SETD1A: variants seen among roughly 807,000 people sequenced by gnomAD.
SETD1A encodes histone-lysine N-methyltransferase SETD1A.
SETD1A carries 29 observed loss-of-function variants against 149.9 expected under a neutral mutation model. The observed-to-expected ratio is 0.19, with a 90% CI of 0.14 to 0.26. The LOEUF is 0.26. Among genes scored for constraint, SETD1A ranks in the 10% least tolerant of loss-of-function variants. SETD1A has a pLI of 1.00. For missense variants in SETD1A, 2,109 were observed against 2,353.1 expected, an observed-to-expected ratio of 0.90 and a Z score of 2.15; for synonymous variants, 1,141 against 968.5, an observed-to-expected ratio of 1.18 and a Z score of -3.31.
chr16:30,972,327 A>G (rs565792355), intron 13 of SETD1A, among the ~76,000 whole-genome samples: 39 of 152,210 alleles, frequency 2.6e-4, no homozygotes, highest in Admixed American at 1.6e-3. Context: ...AGGGAAAGAC[A>G]TCTTCATTGA....
chr16:30,965,540 G>C, intron 7 of SETD1A, 61 bp from the exon 8 acceptor site: 1 of 1,594,252 alleles, frequency 6.3e-7, no homozygotes, highest in East Asian at 2.2e-5. Context: ...AAGGGAACCA[G>C]ATGAGAAAGT....
At position 30,966,188 on chromosome 16, in the gene SETD1A, C is replaced by G; in HGVS notation, c.2307C>G (p.Ala769=). Reference sequence around the variant, plus strand: ...CCTCCTCAGTCTCGGGAGAGGAGGCCCGGCTGCCACCCAGGGAAGAAGCAG... The same window carrying G: ...CCTCCTCAGTCTCGGGAGAGGAGGCGCGGCTGCCACCCAGGGAAGAAGCAG... ...LPSSSVSGEE[A]RLPPREEAEL... The change falls in exon 8 of 19, where the codon GCC becomes GCG. Residue 769 remains alanine (A), a synonymous_variant. Coordinates refer to ENST00000262519, the MANE Select transcript of SETD1A (RefSeq NM_014712.3). The G allele has an allele frequency of 6.2e-7, 1 of 1,612,148 alleles. No homozygotes were observed. Among genetic ancestry groups the G allele is most frequent in the Non-Finnish European group, 8.5e-7 (1 of 1,179,276 alleles).
At position 30,979,648 on chromosome 16, in the gene SETD1A, C is replaced by T. The variant is rs147948503; in HGVS notation, c.3862C>T (p.Arg1288Cys). Residue 1288 changes from arginine (R) to cysteine (C), a missense_variant, in exon 14 of 19, where the codon CGC (arginine) becomes TGC (cysteine). By Grantham distance (180) the Arg-to-Cys change is radical. Around this residue, in one of 8 missense-constraint regions of SETD1A, gnomAD observed 832 missense variants for 815.6 expected, o/e 1.02. Transcript: ENST00000262519. ...EATETSDEAE[R>C]PRPLLSHILL... is the part of the protein sequence containing the mutation. ...CACAGAGACATCGGACGAGGCCGAG[C>T]GCCCTAGGCCCCTGCTCAGCCACAT... 962 of 1,609,676 alleles carry T rather than the reference C, an allele frequency of 6.0e-4. No individual in the cohort carries two copies. The highest frequency in any genetic ancestry group is 2.6e-3 in the Middle Eastern group (16 of 6,082).
rs1371212597 is a variant in SETD1A at position 30,980,764 on chromosome 16, G to A, written c.4607G>A (p.Arg1536His). 4 of 1,612,902 alleles carry A rather than the reference G, an allele frequency of 2.5e-6. No individual in the cohort carries two copies. Among genetic ancestry groups the A allele is most frequent in the Non-Finnish European group, 2.5e-6 (3 of 1,179,850 alleles). ...TQGTNRVLSE[R>H]RSEQRRLLSA... ...GGGACGAACCGCGTGCTGTCCGAGC[G>A]CCGGTCCGAGCAGCGGCGGCTGCTG... Residue 1536 changes from arginine (R) to histidine (H), a missense_variant, in exon 16 of 19, where the codon CGC (arginine) becomes CAC (histidine). Physicochemically the swap from Arg to His is conservative, Grantham distance 29. This residue lies in a region of SETD1A where 254 missense variants were observed against 409.3 expected (regional missense o/e 0.62). Coordinates refer to ENST00000262519, the MANE Select transcript of SETD1A (RefSeq NM_014712.3). This position sits in a 1 kb window ranked among gnomAD's most constrained non-coding sequence, Gnocchi z 7.7.
At chr16:30,962,197 T>A (rs543433270) in intron 4 of SETD1A, among the ~76,000 whole-genome samples, 2 of 152,102 alleles carry the variant, frequency 1.3e-5, no homozygotes, top group South Asian at 4.1e-4. Flanking sequence ...CTTGAGTAGC[T>A]AGGATTACAT....
In SETD1A at chr16:30,964,360, A is replaced by G; in HGVS notation, c.869+37A>G. On this transcript the variant is annotated intron_variant, in intron 6 of 18. Coordinates refer to ENST00000262519, the MANE Select transcript of SETD1A (RefSeq NM_014712.3). Reference sequence around the variant, plus strand: ...ACCCCGCCTGGGGCCCCGCCCGCAAAGTCTGGGAGCTGCCACTGGGAAGAA... The same window carrying G: ...ACCCCGCCTGGGGCCCCGCCCGCAAGGTCTGGGAGCTGCCACTGGGAAGAA... The G allele has an allele frequency of 6.5e-7, 1 of 1,531,164 alleles. No homozygotes were observed. Among genetic ancestry groups the G allele is most frequent in the South Asian group, 1.1e-5 (1 of 88,714 alleles). 94.8% of individuals were successfully genotyped at this position (1,531,164 alleles called of 1,614,324 possible).
rs2056004121 is a variant in SETD1A at position 30,958,812 on chromosome 16, C to T, written c.81C>T (p.Ala27=). The change falls in exon 2 of 19, where the codon GCC becomes GCT. Residue 27 remains alanine, a synonymous_variant. Coordinates refer to ENST00000262519, the MANE Select transcript of SETD1A (RefSeq NM_014712.3). ...WRNYKLIVDP[A]LDPALRRPSQ... ...ACTACAAGCTCATCGTGGATCCTGC[C>T]TTGGACCCTGCCCTGCGCAGGCCTT... is the stretch of plus-strand genomic sequence containing the variant. 9.9e-6 allele frequency: 16 copies of T among 1,614,134 alleles called. No individual in the cohort carries two copies. The highest frequency in any genetic ancestry group is 1.4e-5 in the Non-Finnish European group (16 of 1,179,960).
chr16:30,980,937 G>T lies in SETD1A; in HGVS notation c.4692+88G>T, dbSNP rs1358862842. On this transcript the variant is annotated intron_variant, in intron 16 of 18. Coordinates refer to ENST00000262519, the MANE Select transcript of SETD1A (RefSeq NM_014712.3). This position sits in a 1 kb window ranked among gnomAD's most constrained non-coding sequence, Gnocchi z 7.7. ...GGGGACCACCCAGCAGGCTCCTGTG[G>T]TTCCCTCGGGTGGAGTTGGGGGGTA... The T allele has an allele frequency of 1.3e-5, 21 of 1,566,888 alleles. No individual in the cohort carries two copies. The highest frequency in any genetic ancestry group is 1.8e-5 in the Non-Finnish European group (21 of 1,148,776).
rs766517510 is a variant in SETD1A at position 30,983,776 on chromosome 16, C to G, written c.4950+4C>G. Reference sequence around the variant, plus strand: ...ATTCATCAACCACTGCTGCACGGTGCGCCAGGGGCCAGCCGGGGCAGGAGT... The same window carrying G: ...ATTCATCAACCACTGCTGCACGGTGGGCCAGGGGCCAGCCGGGGCAGGAGT... On this transcript the variant is annotated splice_donor_region_variant and intron_variant, in intron 18 of 18. Coordinates refer to ENST00000262519, the MANE Select transcript of SETD1A (RefSeq NM_014712.3). The surrounding 1 kb of genome is among the most constrained non-coding windows in gnomAD (Gnocchi z 6.8). 16 of 1,613,554 alleles carry G rather than the reference C, an allele frequency of 9.9e-6. No homozygotes were observed. In the South Asian group the frequency reaches 1.6e-4, roughly 17 times the overall value.
Position 30,969,685 on chromosome 16 carries a change from G to C in SETD1A, c.3012G>C (p.Ser1004=). 1 of 1,613,316 alleles carries C rather than the reference G, an allele frequency of 6.2e-7. No homozygotes were observed. Among genetic ancestry groups the C allele is most frequent in the Non-Finnish European group, 8.5e-7 (1 of 1,179,194 alleles). Reference sequence around the variant, plus strand: ...CCACAAAGAAGGAGACAGAGGTGTCGGATGGTGAGCACAAGACAGTGAAAT... The same window carrying C: ...CCACAAAGAAGGAGACAGAGGTGTCCGATGGTGAGCACAAGACAGTGAAAT... The part of the protein sequence containing the change: ...VDTTKKETEV[S]DGEDEESDSS... The change falls in exon 12 of 19, where the codon TCG becomes TCC. Residue 1004 remains serine, a synonymous_variant. Transcript: ENST00000262519.
Position 30,979,374 on chromosome 16 carries a change from C to A in SETD1A, c.3588C>A (p.Ser1196=). Residue 1196 remains serine (S), a synonymous_variant, in exon 14 of 19, where the codon TCC becomes TCA. Coordinates refer to ENST00000262519, the MANE Select transcript of SETD1A (RefSeq NM_014712.3). ...PPQAKFPGPA[S]RKAPRGVERT... is the part of the protein sequence containing the mutation. ...AGGCCAAGTTTCCCGGCCCAGCCTC[C>A]CGCAAGGCTCCCCGGGGCGTGGAGC... 6.2e-7 allele frequency: 1 copy of A among 1,612,748 alleles called. No homozygotes were observed. Among genetic ancestry groups the A allele is most frequent in the South Asian group, 1.1e-5 (1 of 90,974 alleles).
chr16:30,963,721 A>G (rs2056088416), intron 5 of SETD1A, among the ~76,000 whole-genome samples, 167 bp downstream of exon 5: 1 of 152,208 alleles, frequency 6.6e-6, no homozygotes, highest in Admixed American at 6.5e-5. Flanking sequence ...GGCCAGGCAC[A>G]GTGGCTCACG....
intron 7 of SETD1A, 52 bp downstream of exon 7, chr16:30,965,513 G>A: frequency 6.3e-7 from 1 of 1,582,832 alleles, no homozygotes; most frequent in Non-Finnish European, 8.6e-7. Context: ...AGTCAGGGTT[G>A]GGCCTAGGGG....
chr16:30,977,474 A>G (rs1412608115), intron 13 of SETD1A, among the ~76,000 whole-genome samples: 1 of 152,158 alleles, frequency 6.6e-6, no homozygotes, highest in Non-Finnish European at 1.5e-5. Context: ...CCTAAATGAG[A>G]GGGATGGGCA....
rs767186492 is a variant in SETD1A at position 30,971,546 on chromosome 16, CTGAAGA to C, written c.3192_3197del (p.Asp1064_Glu1065del). On this transcript the variant is annotated inframe_deletion, in exon 13 of 19. Transcript: ENST00000262519. ...TCCTCTTCATCCTCTGAGTCCTCCT[CTGAAGA>C]TGAAGAGGAAGAGGAGCGGCCAGCA... 6 of 1,613,852 alleles carry C rather than the reference CTGAAGA, an allele frequency of 3.7e-6. No individual in the cohort carries two copies. In the East Asian group the frequency reaches 8.9e-5, roughly 24 times the overall value.
In SETD1A at chr16:30,971,537, A is replaced by C. The variant is rs1187938297; in HGVS notation, c.3176A>C (p.Glu1059Ala). The C allele has an allele frequency of 1.2e-6, 2 of 1,613,528 alleles. No individual in the cohort carries two copies. Among genetic ancestry groups the C allele is most frequent in the Non-Finnish European group, 1.7e-6 (2 of 1,179,816 alleles). ...TCCTCCTCGTCCTCTTCATCCTCTG[A>C]GTCCTCCTCTGAAGATGAAGAGGAA... ...SSSSSSSSSS[E>A]SSSEDEEEEE... The change falls in exon 13 of 19, where the codon GAG becomes GCG. Residue 1059 changes from glutamate to alanine, a missense_variant. Physicochemically the swap from Glu to Ala is moderately radical, Grantham distance 107. This residue lies in a region of SETD1A where 832 missense variants were observed against 815.6 expected (regional missense o/e 1.02). Transcript: ENST00000262519.
chr16:30,969,747 C>G, intron 12 of SETD1A, 58 bp downstream of exon 12: 3 of 1,404,690 alleles, frequency 2.1e-6, no homozygotes, highest in East Asian at 2.3e-5. Context: ...GGCTGCCTGG[C>G]TAGCCCTTTT....
In SETD1A at chr16:30,971,710, A is replaced by T. The variant is rs2056227400; in HGVS notation, c.3349A>T (p.Arg1117Trp). The change falls in exon 13 of 19, where the codon AGG (arginine) becomes TGG (tryptophan). Residue 1117 changes from arginine (R) to tryptophan (W), a missense_variant. By Grantham distance (101) the Arg-to-Trp change is moderately radical. This residue lies in a region of SETD1A where 832 missense variants were observed against 815.6 expected (regional missense o/e 1.02). Transcript: ENST00000262519. ...PLPEQEASPA[R>W]PAGPTEESPP... is the part of the protein sequence containing the mutation. Reference sequence around the variant, plus strand: ...GCCCGAACAGGAGGCGTCTCCAGCAAGGCCTGCAGGTAGGTGCCACAGGGC... The same window carrying T: ...GCCCGAACAGGAGGCGTCTCCAGCATGGCCTGCAGGTAGGTGCCACAGGGC... 1.3e-6 allele frequency: 2 copies of T among 1,565,628 alleles called. No individual in the cohort carries two copies. Among genetic ancestry groups the T allele is most frequent in the Non-Finnish European group, 1.7e-6 (2 of 1,152,664 alleles).
rs779640618 is a variant in SETD1A, at chr16:30,964,709, G to A, written c.967G>A (p.Ala323Thr). Reference sequence around the variant, plus strand: ...CTCTGCATCTTCAGCCTCCACAACCGCCTCCACGGCCATCGCCGCCACCAC... The same window carrying A: ...CTCTGCATCTTCAGCCTCCACAACCACCTCCACGGCCATCGCCGCCACCAC... ...HFSASSASTTASTAIAATTAA... is the reference protein window; with the variant it reads ...HFSASSASTTTSTAIAATTAA... Residue 323 changes from alanine (A) to threonine (T), a missense_variant, in exon 7 of 19, where the codon GCC (alanine) becomes ACC (threonine). Physicochemically the swap from Ala to Thr is moderately conservative, Grantham distance 58 (BLOSUM62 0). Around this residue, in one of 8 missense-constraint regions of SETD1A, gnomAD observed 410 missense variants for 394.8 expected, o/e 1.04. Coordinates refer to ENST00000262519, the MANE Select transcript of SETD1A (RefSeq NM_014712.3). 42 of 1,613,942 alleles carry A rather than the reference G, an allele frequency of 2.6e-5. No homozygotes were observed. In the African/African-American group the frequency reaches 2.7e-4, roughly 10 times the overall value.
Sources: gnomAD v4.1 joint callset for allele counts (sites outside exome capture counted in the v4.1 genomes callset) on GRCh38, gnomAD v4.1.1 for gene constraint, gnomAD v4.1.1 regional missense constraint, Gnocchi (gnomAD v3.1) non-coding constraint, MANE v1.5 for transcripts, NCBI Gene and HGNC (gene_info 2026-07-23, HGNC 2026-07-21) for gene names.